CDC7: variants seen among roughly 807,000 people sequenced by gnomAD.
CDC7 encodes cell division cycle 7-related protein kinase.
Under a neutral mutation model 53.5 loss-of-function variants are expected in CDC7, and 34 were observed. The ratio of observed to expected loss-of-function variants is 0.64; its 90% confidence interval spans 0.48 to 0.85. The LOEUF is 0.85. Ranked by LOEUF, CDC7 falls within the 40% of genes least tolerant of loss-of-function variation. The pLI, the probability that CDC7 is intolerant of heterozygous loss-of-function variation, is 0.00. For synonymous variants in CDC7, 211 were observed against 222.8 expected (o/e 0.95, Z 0.47); for missense variants, 594 against 679.7 (o/e 0.87, Z 1.40).
intron 2 of CDC7, among the ~76,000 whole-genome samples, chr1:91,507,426 A>C (rs1667050148): frequency 2.0e-5 from 3 of 152,312 alleles, no homozygotes; most frequent in African/African-American, 7.2e-5. Context: ...TAGTGTGAAT[A>C]TTTAATACAT....
intron 10 of CDC7, among the ~76,000 whole-genome samples, chr1:91,517,246 G>A (rs1233126485): frequency 6.6e-6 from 1 of 152,178 alleles, no homozygotes; most frequent in Non-Finnish European, 1.5e-5. Flanking sequence ...CATTCTGGCA[G>A]GCGTGCAAAC....
intron 1 of CDC7, 36 bp from the exon 2 acceptor site, chr1:91,501,618 G>A (rs1557582950): frequency 1.2e-6 from 1 of 854,538 alleles, no homozygotes. Flanking sequence ...GGTTTAGCGA[G>A]TGATCTAAAT....
In CDC7 at chr1:91,513,141, A is replaced by G; in HGVS notation, c.656A>G (p.Gln219Arg). ...ELLKFVQSEA[Q>R]QERCSQNKSH... ...CTTAAATTTGTCCAGTCTGAAGCTC[A>G]GCAGGAAAGGTGTTCACAAAACAAA... is the stretch of plus-strand genomic sequence containing the variant. The change falls in exon 7 of 12, where the codon CAG (glutamine) becomes CGG (arginine). Residue 219 changes from glutamine to arginine, a missense_variant. Gln to Arg is a conservative substitution (Grantham distance 43, BLOSUM62 1). Transcript: ENST00000234626. The G allele has an allele frequency of 6.2e-7, 1 of 1,613,754 alleles. No homozygotes were observed. Among genetic ancestry groups the G allele is most frequent in the African/African-American group, 1.3e-5 (1 of 75,014 alleles).
chr1:91,519,888 A>T (rs1051444501), intron 10 of CDC7, among the ~76,000 whole-genome samples: 1 of 152,226 alleles, frequency 6.6e-6, no homozygotes, highest in Non-Finnish European at 1.5e-5. Context: ...GAAAGAAAAC[A>T]TATTTTGCAG....
rs1249595981 is a variant in CDC7, at chr1:91,514,018, T to C, written c.893T>C (p.Ile298Thr). 6 of 1,611,428 alleles carry C rather than the reference T, an allele frequency of 3.7e-6. No homozygotes were observed. Among genetic ancestry groups the C allele is most frequent in the Admixed American group, 1.7e-5 (1 of 59,918 alleles). The change falls in exon 8 of 12, where the codon ATT becomes ACT. Residue 298 changes from isoleucine (I) to threonine (T), a missense_variant. Ile to Thr is a moderately conservative substitution (Grantham distance 89). Transcript: ENST00000234626. ...AGAAATTTCAATATACACAGCTCCA[T>C]TTCACATGAGAGCCCTGCAGTGAAA... ...GERNFNIHSS[I>T]SHESPAVKLM...
intron 2 of CDC7, among the ~76,000 whole-genome samples, chr1:91,506,363 T>C (rs1666990232): frequency 6.6e-6 from 1 of 151,990 alleles, no homozygotes; most frequent in Non-Finnish European, 1.5e-5. Context: ...TTTTTTTTTC[T>C]TGTTCCTGTC....
chr1:91,508,268 T>G lies in CDC7; in HGVS notation c.206T>G (p.Phe69Cys). 1 of 1,596,006 alleles carries G rather than the reference T, an allele frequency of 6.3e-7. No individual in the cohort carries two copies. The highest frequency in any genetic ancestry group is 8.5e-7 in the Non-Finnish European group (1 of 1,173,968). ...KIEDKIGEGT[F>C]SSVYLATAQL... is the part of the protein sequence containing the mutation. The stretch of plus-strand genomic sequence containing the variant: ...TTAATAAATTGTTTTACAGGCACTT[T>G]CAGCTCTGTTTATTTGGCCACAGCA... Residue 69 changes from phenylalanine (F) to cysteine (C), a missense_variant, in exon 4 of 12, where the codon TTC becomes TGC. By Grantham distance (205) the Phe-to-Cys change is radical. Transcript: ENST00000234626.
chr1:91,514,056 G>A lies in CDC7; in HGVS notation c.918+13G>A, dbSNP rs1386835193. On this transcript the variant is annotated intron_variant, in intron 8 of 11. Transcript: ENST00000234626. ...CCCTGCAGTGAAAGTAAGTAATGTA[G>A]CTTAATAGCATAATGGTCAGTCAGT... The A allele has an allele frequency of 6.6e-7, 1 of 1,513,662 alleles. No individual in the cohort carries two copies. Among genetic ancestry groups the A allele is most frequent in the South Asian group, 1.1e-5 (1 of 88,980 alleles). The allele number at this position is 1,513,662 out of a possible 1,614,324, so 93.8% of individuals were successfully genotyped here. A position where few individuals can be genotyped will look rare whatever the true frequency, so the allele number is the denominator to read the frequency against.
intron 10 of CDC7, among the ~76,000 whole-genome samples, chr1:91,517,044 G>A (rs1033139097): frequency 3.9e-5 from 6 of 151,970 alleles, no homozygotes; most frequent in African/African-American, 9.7e-5. Flanking sequence ...CAACCTGGGC[G>A]ACAGCAAGAC....
At position 91,520,196 on chromosome 1, in the gene CDC7, A is replaced by C. The variant is rs368754822; in HGVS notation, c.1247A>C (p.Lys416Thr). 5 of 1,610,616 alleles carry C rather than the reference A, an allele frequency of 3.1e-6. No individual in the cohort carries two copies. Among genetic ancestry groups the C allele is most frequent in the Non-Finnish European group, 4.2e-6 (5 of 1,178,300 alleles). Residue 416 changes from lysine (K) to threonine (T), a missense_variant, in exon 11 of 12, where the codon AAA (lysine) becomes ACA (threonine). Transcript: ENST00000234626. ...SLLSGRYPFY[K>T]ASDDLTALAQ... ...CTTAGTGGACGATATCCATTTTATA[A>C]AGCAAGTGATGATTTAACTGCTTTG... is the stretch of plus-strand genomic sequence containing the variant.
intron 1 of CDC7, chr1:91,501,444 G>A (rs1571307441): frequency 8.5e-6 from 3 of 353,090 alleles, no homozygotes; most frequent in South Asian, 1.7e-4. Flanking sequence ...CCCAAGCCGG[G>A]AAATTCTCCC....
chr1:91,505,152 C>T (rs1457668035), intron 2 of CDC7, among the ~76,000 whole-genome samples: 1 of 151,996 alleles, frequency 6.6e-6, no homozygotes, highest in Non-Finnish European at 1.5e-5. Context: ...AAGAGCATTC[C>T]AAACAGAGGA....
At chr1:91,506,382 C>T (rs1425964331) in intron 2 of CDC7, among the ~76,000 whole-genome samples, 6 of 151,766 alleles carry the variant, frequency 4.0e-5, no homozygotes, top group South Asian at 2.1e-4. Context: ...TCTTTACAGA[C>T]GTAGTTAATT....
chr1:91,521,796 A>C (rs1020649860), intron 11 of CDC7, among the ~76,000 whole-genome samples: 1 of 152,150 alleles, frequency 6.6e-6, no homozygotes, highest in Non-Finnish European at 1.5e-5. Flanking sequence ...CATCTGACCC[A>C]AAAATACTCT....
At chr1:91,503,483 G>A (rs545887394) in intron 2 of CDC7, among the ~76,000 whole-genome samples, 3 of 152,234 alleles carry the variant, frequency 2.0e-5, no homozygotes, top group African/African-American at 7.2e-5. Context: ...CCTTATTGAA[G>A]TTATATTTTT....
rs762439340 is a variant in CDC7, at chr1:91,511,846, G to A, written c.495G>A (p.Leu165=). 8 of 1,605,524 alleles carry A rather than the reference G, an allele frequency of 5.0e-6. No individual in the cohort carries two copies. The highest frequency in any genetic ancestry group is 3.3e-5 in the Admixed American group (2 of 59,808). ...ATATGCTTAATCTGTTCAAAGCTTT[G>A]AAACGCATTCATCAGTTTGGTATTG... is the stretch of plus-strand genomic sequence containing the variant. ...REYMLNLFKA[L]KRIHQFGIVH... is the part of the protein sequence containing the mutation. Residue 165 remains leucine, a synonymous_variant, in exon 6 of 12, where the codon TTG becomes TTA. Coordinates refer to ENST00000234626, the MANE Select transcript of CDC7 (RefSeq NM_003503.4).
rs776368322 is a variant in CDC7 at position 91,524,482 on chromosome 1, A to G, written c.*47A>G. 4 of 1,432,372 alleles carry G rather than the reference A, an allele frequency of 2.8e-6. No homozygotes were observed. The highest frequency in any genetic ancestry group is 1.4e-5 in the African/African-American group (1 of 70,256). The allele number at this position is 1,432,372 out of a possible 1,614,324, so 88.7% of individuals were successfully genotyped here. ...TTACTGTTATGAGGTAGAATAAAAA[A>G]GAATACTTTGTAATAGCCACAAGTT... On this transcript the variant is annotated 3_prime_UTR_variant, in exon 12 of 12. Coordinates refer to ENST00000234626, the MANE Select transcript of CDC7 (RefSeq NM_003503.4).
intron 11 of CDC7, 39 bp from the exon 12 acceptor site, chr1:91,524,002 G>GT (rs758535339): frequency 1.2e-5 from 18 of 1,496,394 alleles, no homozygotes; most frequent in Admixed American, 1.1e-4. Context: ...ATAATAAAAT[G>GT]TTTTTTTCTG....
Position 91,514,965 on chromosome 1 carries a change from A to G in CDC7, c.1065A>G (p.Ala355=), listed in dbSNP as rs771852256. 6.2e-7 allele frequency: 1 copy of G among 1,613,692 alleles called. No homozygotes were observed. Among genetic ancestry groups the G allele is most frequent in the Admixed American group, 1.7e-5 (1 of 59,928 alleles). ...CTAGCCTGACCTGTGACTGCTATGC[A>G]ACAGATAAAGTTTGTAGTATTTGCC... ...CPASLTCDCY[A]TDKVCSICLS... The change falls in exon 9 of 12, where the codon GCA becomes GCG. Residue 355 remains alanine, a synonymous_variant. Transcript: ENST00000234626.
Sources: gnomAD v4.1 joint callset for allele counts (sites outside exome capture counted in the v4.1 genomes callset) on GRCh38, gnomAD v4.1.1 for gene constraint, MANE v1.5 for transcripts, NCBI Gene and HGNC (gene_info 2026-07-23, HGNC 2026-07-21) for gene names.